Variants in CRAMP1 observed in about 807,000 individuals in gnomAD.
The protein encoded by CRAMP1 is cramped chromatin regulator 1.
A neutral mutation model predicts 115.4 loss-of-function variants in CRAMP1; 50 were observed. That is an observed-to-expected ratio of 0.43 (90% CI 0.35 to 0.55). CRAMP1 has a LOEUF of 0.55. CRAMP1 is among the 20% of genes least tolerant of loss of function. CRAMP1 has a pLI of 0.01. For synonymous variants in CRAMP1, 866 were observed against 745.4 expected (o/e 1.16, Z -2.64); for missense variants, 1,679 against 1,721.7 (o/e 0.98, Z 0.44).
intron 18 of CRAMP1, among the ~76,000 whole-genome samples, chr16:1,668,534 T>G (rs1331293785): frequency 2.0e-5 from 3 of 152,206 alleles, no homozygotes; most frequent in African/African-American, 7.2e-5. Flanking sequence ...TGTGAAGCAG[T>G]TGGGCTGGGC....
intron 10 of CRAMP1, 26 bp downstream of exon 10, chr16:1,657,018 C>T: frequency 1.4e-6 from 2 of 1,476,632 alleles, no homozygotes; most frequent in Middle Eastern, 1.8e-4. Context: ...CCCAGCCCCT[C>T]TGGCGGCCCA....
rs1241496138 is a variant in CRAMP1, at chr16:1,674,873, C to T, written c.*828C>T. The T allele has an allele frequency of 2.0e-5, 3 of 152,216 alleles. No individual in the cohort carries two copies. The highest frequency in any genetic ancestry group is 2.9e-5 in the Non-Finnish European group (2 of 68,038). The allele number at this position is 152,216 out of a possible 1,614,324, so 9.4% of individuals were successfully genotyped here. A position where few individuals can be genotyped will look rare whatever the true frequency, so the allele number is the denominator to read the frequency against. Reference sequence around the variant, plus strand: ...CAAGCTTCCAGGCGATCTAAGGTGTCATTTCTCCCTCCTGGGGTGACCCTT... The same window carrying T: ...CAAGCTTCCAGGCGATCTAAGGTGTTATTTCTCCCTCCTGGGGTGACCCTT... On this transcript the variant is annotated 3_prime_UTR_variant, in exon 21 of 21. Coordinates refer to ENST00000397412, the MANE Select transcript of CRAMP1 (RefSeq NM_020825.4).
intron 9 of CRAMP1, 84 bp downstream of exon 9, chr16:1,655,384 A>G: frequency 1.8e-6 from 2 of 1,083,356 alleles, no homozygotes; most frequent in Admixed American, 1.7e-5. Context: ...TGTGCCTGTC[A>G]TCGTCATGGT....
chr16:1,677,634 T>A lies in CRAMP1; in HGVS notation c.*3589T>A, dbSNP rs1350876794. On this transcript the variant is annotated 3_prime_UTR_variant, in exon 21 of 21. Transcript: ENST00000397412. ...GCTCCCCTTCTCTCTCTTACTCGGT[T>A]AAGCCATAGCGAGGCCTCCGCTCGT... The A allele has an allele frequency of 6.5e-6, 1 of 152,698 alleles. No individual in the cohort carries two copies. The highest frequency in any genetic ancestry group is 1.5e-5 in the Non-Finnish European group (1 of 68,062). 9.5% of individuals were successfully genotyped at this position (152,698 alleles called of 1,614,324 possible).
At chr16:1,640,769 T>G (rs1200623276) in intron 5 of CRAMP1, among the ~76,000 whole-genome samples, 1 of 152,104 alleles carries the variant, frequency 6.6e-6, no homozygotes, top group Non-Finnish European at 1.5e-5. Flanking sequence ...TGGGCAGGTG[T>G]GGTGCCTGCA....
At chr16:1,663,562 T>G (rs1256628935) in intron 13 of CRAMP1, among the ~76,000 whole-genome samples, 1 of 152,210 alleles carries the variant, frequency 6.6e-6, no homozygotes, top group Non-Finnish European at 1.5e-5. Context: ...GACTGTTGTT[T>G]TGTTTAATTT....
chr16:1,615,785 CTT>C (rs1344635086), intron 2 of CRAMP1, among the ~76,000 whole-genome samples: 1 of 152,136 alleles, frequency 6.6e-6, no homozygotes, highest in African/African-American at 2.4e-5. Flanking sequence ...GACTCTGATT[CTT>C]TTTGTTTCCG....
Position 1,666,549 on chromosome 16 carries a change from G to T in CRAMP1, c.2985G>T (p.Gly995=). The change falls in exon 16 of 21, where the codon GGG becomes GGT. Residue 995 remains glycine (G), a synonymous_variant. Coordinates refer to ENST00000397412, the MANE Select transcript of CRAMP1 (RefSeq NM_020825.4). The surrounding 1 kb of genome is among the most constrained non-coding windows in gnomAD (Gnocchi z 5.0). ...ACGAGGTGACGGGTGCCATCTCGGGGCAGGACTCTACTGGAACTCACCAGG... is the reference window on the plus strand; with the variant it reads ...ACGAGGTGACGGGTGCCATCTCGGGTCAGGACTCTACTGGAACTCACCAGG... The part of the protein sequence containing the change: ...SSDEVTGAIS[G]QDSTGTHQDG... 6.2e-7 allele frequency: 1 copy of T among 1,613,984 alleles called. No individual in the cohort carries two copies. Among genetic ancestry groups the T allele is most frequent in the Non-Finnish European group, 8.5e-7 (1 of 1,179,894 alleles).
chr16:1,615,200 T>C (rs530293356), intron 2 of CRAMP1, among the ~76,000 whole-genome samples: 1 of 152,370 alleles, frequency 6.6e-6, no homozygotes, highest in South Asian at 2.1e-4. Context: ...GAAGAGGCAG[T>C]GAGTATCCTT....
intron 4 of CRAMP1, among the ~76,000 whole-genome samples, chr16:1,636,819 G>A (rs1054727233): frequency 6.6e-6 from 1 of 152,238 alleles, no homozygotes; most frequent in Admixed American, 6.5e-5. Flanking sequence ...TCCCATTCTT[G>A]TGCTTGGCTG....
intron 2 of CRAMP1, among the ~76,000 whole-genome samples, chr16:1,616,370 C>G (rs1326123001): frequency 6.6e-6 from 1 of 152,218 alleles, no homozygotes; most frequent in Non-Finnish European, 1.5e-5. Context: ...TGCTCTGCCC[C>G]TTCACCCTCT....
In CRAMP1 at chr16:1,614,198, C is replaced by T. The variant is rs2036394094; in HGVS notation, c.-1-441C>T. On this transcript the variant is annotated intron_variant, in intron 1 of 20. Coordinates refer to ENST00000397412, the MANE Select transcript of CRAMP1 (RefSeq NM_020825.4). This position sits in a 1 kb window ranked among gnomAD's most constrained non-coding sequence, Gnocchi z 4.4. ...GGCGGCGCAGGGAGCGAGGCCGGCG[C>T]GCAGGGCCAGGCCATGAGCCGCGGC... Among the ~76,000 whole-genome samples, 1 of 146,914 alleles carries T rather than the reference C, an allele frequency of 6.8e-6. No individual in the cohort carries two copies. The highest frequency in any genetic ancestry group is 1.5e-5 in the Non-Finnish European group (1 of 66,048).
intron 3 of CRAMP1, among the ~76,000 whole-genome samples, chr16:1,628,167 G>A (rs909573132): frequency 1.3e-5 from 2 of 152,296 alleles, no homozygotes; most frequent in Admixed American, 6.5e-5. Flanking sequence ...TTAATAGTTG[G>A]CTGTTCTGAT....
intron 11 of CRAMP1, 34 bp downstream of exon 11, chr16:1,660,097 G>C (rs2036815359): frequency 6.7e-7 from 1 of 1,484,914 alleles, no homozygotes; most frequent in African/African-American, 1.4e-5. Flanking sequence ...CTTGTGCCTG[G>C]GCTGCCCTGA....
intron 17 of CRAMP1, 88 bp from the exon 18 acceptor site, chr16:1,667,874 C>G: frequency 2.5e-6 from 2 of 813,738 alleles, no homozygotes; most frequent in Non-Finnish European, 4.0e-6. Context: ...GATTTGCCTG[C>G]AAGCTAGGAG....
At chr16:1,673,573 C>T (rs2036940781) in intron 20 of CRAMP1, among the ~76,000 whole-genome samples, 1 of 152,276 alleles carries the variant, frequency 6.6e-6, no homozygotes, top group African/African-American at 2.4e-5. Flanking sequence ...GTGTCTGCTG[C>T]ATACAGTCTG....
At chr16:1,626,933 T>C (rs1252301849) in intron 3 of CRAMP1, among the ~76,000 whole-genome samples, 1 of 152,180 alleles carries the variant, frequency 6.6e-6, no homozygotes, top group Non-Finnish European at 1.5e-5. Flanking sequence ...TGCAGTGGCA[T>C]AGTTGAAGAG....
intron 6 of CRAMP1, among the ~76,000 whole-genome samples, chr16:1,648,120 G>T (rs1430106369): frequency 7.0e-6 from 1 of 143,196 alleles, no homozygotes; most frequent in African/African-American, 2.6e-5. Flanking sequence ...TTGATTGAAG[G>T]AAAAAAAAAA....
chr16:1,671,464 GT>G lies in CRAMP1; in HGVS notation c.3645+658del. ...TAGCCCTCAAGGCGTCCACCACATGGTTTGTGTGGCATTCGTGGGCAGGTCA... is the reference window on the plus strand; with the variant it reads ...TAGCCCTCAAGGCGTCCACCACATGGTTGTGTGGCATTCGTGGGCAGGTCA... On this transcript the variant is annotated intron_variant, in intron 20 of 20. Coordinates refer to ENST00000397412, the MANE Select transcript of CRAMP1 (RefSeq NM_020825.4). This position sits in a 1 kb window ranked among gnomAD's most constrained non-coding sequence, Gnocchi z 5.0. 6.6e-6 allele frequency among the ~76,000 whole-genome samples: 1 copy of G among 152,344 alleles called. No individual in the cohort carries two copies. Among genetic ancestry groups the G allele is most frequent in the East Asian group, 1.9e-4 (1 of 5,192 alleles).
Sources: gnomAD v4.1 joint callset for allele counts (sites outside exome capture counted in the v4.1 genomes callset) on GRCh38, gnomAD v4.1.1 for gene constraint, Gnocchi (gnomAD v3.1) non-coding constraint, MANE v1.5 for transcripts, NCBI Gene and HGNC (gene_info 2026-07-23, HGNC 2026-07-21) for gene names.